GFOD1: variants seen among roughly 807,000 people sequenced by gnomAD.
The protein encoded by GFOD1 is glucose-fructose oxidoreductase domain-containing protein 1.
A neutral mutation model predicts 25.4 loss-of-function variants in GFOD1; 9 were observed. The observed-to-expected ratio is 0.35, with a 90% CI of 0.21 to 0.62. The LOEUF (loss-of-function observed/expected upper bound fraction) is 0.62. GFOD1 is among the 20% of genes least tolerant of loss of function. The pLI, the probability that GFOD1 is intolerant of heterozygous loss-of-function variation, is 0.72. For synonymous variants in GFOD1, 253 were observed against 245.6 expected (o/e 1.03, Z -0.28); for missense variants, 403 against 556.9 (o/e 0.72, Z 2.78).
intron 1 of GFOD1, among the ~76,000 whole-genome samples, chr6:13,474,301 C>A (rs1245944701): frequency 4.6e-5 from 7 of 152,174 alleles, no homozygotes; most frequent in Admixed American, 2.6e-4. Context: ...ATTGCTTGAA[C>A]CTGGGAGGCA....
chr6:13,485,143 T>G (rs1354021274), intron 1 of GFOD1, among the ~76,000 whole-genome samples: 1 of 152,246 alleles, frequency 6.6e-6, no homozygotes, highest in Non-Finnish European at 1.5e-5. Context: ...TAAAATTAAC[T>G]GACAATTAAA....
At chr6:13,432,828 C>T (rs1268818734) in intron 1 of GFOD1, among the ~76,000 whole-genome samples, 1 of 152,132 alleles carries the variant, frequency 6.6e-6, no homozygotes, top group Admixed American at 6.5e-5. Flanking sequence ...ATCTGTCTCC[C>T]CTTCCTACAC....
intron 1 of GFOD1, among the ~76,000 whole-genome samples, chr6:13,406,731 C>A (rs572788836): frequency 7.9e-5 from 12 of 152,180 alleles, no homozygotes; most frequent in Non-Finnish European, 1.5e-4. Context: ...AAAGTGGACT[C>A]TCATCCATTG....
At chr6:13,472,504 G>A (rs1415151182) in intron 1 of GFOD1, among the ~76,000 whole-genome samples, 1 of 152,154 alleles carries the variant, frequency 6.6e-6, no homozygotes, top group Admixed American at 6.5e-5. Context: ...ACAACCTTCT[G>A]AGATGGGTAC....
At chr6:13,474,963 G>C (rs899684792) in intron 1 of GFOD1, among the ~76,000 whole-genome samples, 4 of 152,126 alleles carry the variant, frequency 2.6e-5, no homozygotes, top group Admixed American at 2.6e-4. Context: ...AATTCGTTCC[G>C]CTGTACTAGT....
chr6:13,399,582 G>T (rs1021618607), intron 1 of GFOD1, among the ~76,000 whole-genome samples: 1 of 152,172 alleles, frequency 6.6e-6, no homozygotes, highest in African/African-American at 2.4e-5. Context: ...GCAACAATAT[G>T]AAGAAATCTC....
chr6:13,464,492 G>A (rs1758346332), intron 1 of GFOD1, among the ~76,000 whole-genome samples: 1 of 152,192 alleles, frequency 6.6e-6, no homozygotes, highest in Non-Finnish European at 1.5e-5. Context: ...AGTTCTTAGA[G>A]GTCAGAAGAA....
rs1422266244 is a variant in GFOD1, at chr6:13,377,054, A to T, written c.254-11392T>A. ...TTTTTTAAAAGCCAATATATTTCAC[A>T]CAGTCCTAAGTTTTGGTCTCAAAAA... On this transcript the variant is annotated intron_variant, in intron 1 of 1. Coordinates refer to ENST00000379287, the MANE Select transcript of GFOD1 (RefSeq NM_018988.4). Among the ~76,000 whole-genome samples, 3 of 150,930 alleles carry T rather than the reference A, an allele frequency of 2.0e-5. No homozygotes were observed. In the East Asian group the frequency reaches 5.8e-4, roughly 29 times the overall value.
At chr6:13,381,518 A>C (rs1186898143) in intron 1 of GFOD1, among the ~76,000 whole-genome samples, 1 of 152,220 alleles carries the variant, frequency 6.6e-6, no homozygotes, top group Non-Finnish European at 1.5e-5. Context: ...GGATGCTTCC[A>C]TATGGAAAGG....
chr6:13,487,193 C>T lies in GFOD1; in HGVS notation c.-303G>A, dbSNP rs2127581005. ...GAGGCTTCGAAGCCCCCTGGAGCCC[C>T]GGCTCAGGCTGCGCTCCCGCGGCAG... On this transcript the variant is annotated 5_prime_UTR_variant, in exon 1 of 2. Transcript: ENST00000379287. This position sits in a 1 kb window ranked among gnomAD's most constrained non-coding sequence, Gnocchi z 4.9. 3.2e-6 allele frequency: 1 copy of T among 316,968 alleles called. No homozygotes were observed. The highest frequency in any genetic ancestry group is 5.1e-5 in the Admixed American group (1 of 19,726). The allele number at this position is 316,968 out of a possible 1,614,324, so 19.6% of individuals were successfully genotyped here.
chr6:13,395,405 T>C (rs1040981568), intron 1 of GFOD1, among the ~76,000 whole-genome samples: 1 of 152,178 alleles, frequency 6.6e-6, no homozygotes, highest in African/African-American at 2.4e-5. Flanking sequence ...AACTCATATA[T>C]CATTCCCTTG....
chr6:13,469,315 C>CA, intron 1 of GFOD1: 1 of 984,658 alleles, frequency 1.0e-6, no homozygotes, highest in Non-Finnish European at 1.2e-6. Flanking sequence ...TTAGCCTCTT[C>CA]AAAAATAAGT....
intron 1 of GFOD1, chr6:13,486,235 T>TCCCCCCCCCCCCCCCCCCCCCCCCCCCC (rs1758863380): frequency 2.5e-6 from 1 of 407,788 alleles, no homozygotes; most frequent in African/African-American, 5.0e-5. Context: ...ACAACCCTCC[T>TCCCCCCCCCCCCCCCCCCCCCCCCCCCC]CCACCCCCCC....
At chr6:13,402,733 T>G (rs535760837) in intron 1 of GFOD1, among the ~76,000 whole-genome samples, 2 of 152,216 alleles carry the variant, frequency 1.3e-5, no homozygotes, top group South Asian at 2.1e-4. Flanking sequence ...CTCGTAAGAA[T>G]GTACAATGGT....
chr6:13,393,422 C>CT (rs1785656837), intron 1 of GFOD1, among the ~76,000 whole-genome samples: 1 of 147,730 alleles, frequency 6.8e-6, no homozygotes, highest in South Asian at 2.2e-4. Flanking sequence ...GGACAGAAGC[C>CT]TTTATAGTCA....
chr6:13,398,628 T>A (rs1222867609), intron 1 of GFOD1, among the ~76,000 whole-genome samples: 1 of 152,202 alleles, frequency 6.6e-6, no homozygotes. Flanking sequence ...TTTTGATTAA[T>A]GGGCTTTCCT....
At chr6:13,454,696 C>T in intron 1 of GFOD1, among the ~76,000 whole-genome samples, 1 of 152,224 alleles carries the variant, frequency 6.6e-6, no homozygotes, top group East Asian at 1.9e-4. Context: ...AAAGCAGACA[C>T]TTCCCACTCT....
chr6:13,401,620 A>G (rs1475143607), intron 1 of GFOD1, among the ~76,000 whole-genome samples: 1 of 152,238 alleles, frequency 6.6e-6, no homozygotes, highest in Non-Finnish European at 1.5e-5. Flanking sequence ...TACATTTAAG[A>G]AGTACAAAAT....
intron 1 of GFOD1, among the ~76,000 whole-genome samples, chr6:13,383,893 T>C (rs1446575822): frequency 6.6e-6 from 1 of 152,218 alleles, no homozygotes; most frequent in African/African-American, 2.4e-5. Flanking sequence ...TGGGCCTACA[T>C]TTATTTTTTA....
Sources: gnomAD v4.1 joint callset for allele counts (sites outside exome capture counted in the v4.1 genomes callset) on GRCh38, gnomAD v4.1.1 for gene constraint, Gnocchi (gnomAD v3.1) non-coding constraint, MANE v1.5 for transcripts, NCBI Gene and HGNC (gene_info 2026-07-23, HGNC 2026-07-21) for gene names.